The following SLC41A1 variants were observed in gnomAD, a reference collection of about 807,000 sequenced individuals.
SLC41A1 encodes the protein solute carrier family 41 (magnesium transporter), member 1.
Under a neutral mutation model 47.3 loss-of-function variants are expected in SLC41A1, and 20 were observed. The observed-to-expected ratio is 0.42, with a 90% CI of 0.30 to 0.61. SLC41A1 has a LOEUF of 0.61. SLC41A1 is among the 20% of genes least tolerant of loss of function. The pLI is 0.17. For missense variants in SLC41A1, 504 were observed against 674.1 expected (o/e 0.75, Z 2.79); for synonymous variants, 282 against 272.7 (o/e 1.03, Z -0.34).
Position 205,791,363 on chromosome 1 carries a change from T to C in SLC41A1, c.*170A>G. 2.4e-6 allele frequency: 2 copies of C among 824,934 alleles called. No homozygotes were observed. The highest frequency in any genetic ancestry group is 1.7e-5 in the African/African-American group (1 of 58,820). 51.1% of individuals were successfully genotyped at this position (824,934 alleles called of 1,614,324 possible). On this transcript the variant is annotated 3_prime_UTR_variant, in exon 11 of 11. Transcript: ENST00000367137. The surrounding 1 kb of genome is among the most constrained non-coding windows in gnomAD (Gnocchi z 4.0). ...ATCTGTGTTTCCCAAATTCTTGCTA[T>C]ACAAACTTGGCTCAATGTATAAAAA...
intron 2 of SLC41A1, among the ~76,000 whole-genome samples, chr1:205,805,483 T>G (rs537983388): frequency 6.6e-6 from 1 of 152,256 alleles, no homozygotes; most frequent in East Asian, 1.9e-4. Flanking sequence ...TCATCCAGGC[T>G]AGGAGTATCT....
At position 205,810,422 on chromosome 1, in the gene SLC41A1, G is replaced by C. The variant is rs759228574; in HGVS notation, c.20C>G (p.Pro7Arg). ...CCCGTTCAGTTGGTGGACGTCCTTC[G>C]GCTCTGGCTTAGAGGACATGACAGG... Reference protein sequence around the residue: MSSKPEPKDVHQLNGTG... With the variant: MSSKPERKDVHQLNGTG... Residue 7 changes from proline to arginine, a missense_variant, in exon 2 of 11, where the codon CCG becomes CGG. Physicochemically the swap from Pro to Arg is moderately radical, Grantham distance 103. Transcript: ENST00000367137. The surrounding 1 kb of genome is among the most constrained non-coding windows in gnomAD (Gnocchi z 5.5). 1.2e-6 allele frequency: 2 copies of C among 1,614,214 alleles called. No individual in the cohort carries two copies. The highest frequency in any genetic ancestry group is 1.7e-6 in the Non-Finnish European group (2 of 1,180,044).
intron 2 of SLC41A1, among the ~76,000 whole-genome samples, chr1:205,802,303 G>A (rs186618534): frequency 2.0e-5 from 3 of 152,306 alleles, no homozygotes; most frequent in East Asian, 3.9e-4. Context: ...ACCTCCTCAC[G>A]TAGACCGGCT....
At position 205,794,945 on chromosome 1, in the gene SLC41A1, G is replaced by A; in HGVS notation, c.1281C>T (p.Ile427=). 6.2e-7 allele frequency: 1 copy of A among 1,614,120 alleles called. No individual in the cohort carries two copies. Among genetic ancestry groups the A allele is most frequent in the South Asian group, 1.1e-5 (1 of 91,084 alleles). The change falls in exon 10 of 11, where the codon ATC becomes ATT. Residue 427 remains isoleucine, a synonymous_variant. Transcript: ENST00000367137. ...VPGHLVFLYT[I]SCMQGGHTTL... is the part of the protein sequence containing the mutation. ...TGGTGTGCCCGCCCTGCATACAGCT[G>A]ATGGTGTAGAGGAACACCAGGTGTC...
intron 2 of SLC41A1, among the ~76,000 whole-genome samples, chr1:205,808,921 C>A (rs1057035285): frequency 2.0e-5 from 3 of 152,216 alleles, no homozygotes; most frequent in Admixed American, 1.3e-4. Context: ...GTGAGACCTA[C>A]CAGCAGAACT....
rs774867466 is a variant in SLC41A1, at chr1:205,791,613, G to A, written c.1462C>T (p.Leu488=). Residue 488 remains leucine (L), a synonymous_variant, in exon 11 of 11, where the codon CTG becomes TTG. Coordinates refer to ENST00000367137, the MANE Select transcript of SLC41A1 (RefSeq NM_173854.6). The surrounding 1 kb of genome is among the most constrained non-coding windows in gnomAD (Gnocchi z 4.0). ...AGTGCTAGGAGCCCAGTGCCAAGCA[G>A]GTCCCCCAGAGCAGTCAAGTATGGG... The part of the protein sequence containing the change: ...SIPYLTALGD[L]LGTGLLALSF... 6.2e-7 allele frequency: 1 copy of A among 1,614,166 alleles called. No homozygotes were observed. The highest frequency in any genetic ancestry group is 2.2e-5 in the East Asian group (1 of 44,868).
intron 1 of SLC41A1, chr1:205,812,591 G>C (rs1025601859): frequency 4.5e-6 from 1 of 224,508 alleles, no homozygotes; most frequent in Non-Finnish European, 7.5e-6. Context: ...TAAGGCCCTG[G>C]GACGAAAGAA....
At chr1:205,808,766 G>A (rs965877692) in intron 2 of SLC41A1, among the ~76,000 whole-genome samples, 3 of 152,240 alleles carry the variant, frequency 2.0e-5, no homozygotes, top group African/African-American at 7.2e-5. Context: ...AGGGGAGGCA[G>A]TGCAAGGCAC....
At chr1:205,803,670 C>T (rs986683315) in intron 2 of SLC41A1, among the ~76,000 whole-genome samples, 3 of 143,340 alleles carry the variant, frequency 2.1e-5, no homozygotes, top group Admixed American at 7.3e-5. Context: ...CACGGTCTCA[C>T]TCTGTGGCCC....
chr1:205,798,282 A>G (rs947819195), intron 6 of SLC41A1, among the ~76,000 whole-genome samples: 3 of 152,168 alleles, frequency 2.0e-5, no homozygotes, highest in Non-Finnish European at 4.4e-5. Flanking sequence ...CACTGAGCCA[A>G]TTAGGGACAG....
chr1:205,791,579 T>C lies in SLC41A1; in HGVS notation c.1496A>G (p.His499Arg). The C allele has an allele frequency of 6.2e-7, 1 of 1,613,984 alleles. No individual in the cohort carries two copies. The highest frequency in any genetic ancestry group is 8.5e-7 in the Non-Finnish European group (1 of 1,180,002). The change falls in exon 11 of 11, where the codon CAT becomes CGT. Residue 499 changes from histidine (H) to arginine (R), a missense_variant. By Grantham distance (29) the His-to-Arg change is conservative. This residue lies in a region of SLC41A1 where 421 missense variants were observed against 601.6 expected (regional missense o/e 0.70). Coordinates refer to ENST00000367137, the MANE Select transcript of SLC41A1 (RefSeq NM_173854.6). This position sits in a 1 kb window ranked among gnomAD's most constrained non-coding sequence, Gnocchi z 4.0. The stretch of plus-strand genomic sequence containing the variant: ...TCGGTCCCCTATGAGCCAGAGAACA[T>C]GGAAGCTGAGTGCTAGGAGCCCAGT... ...LGTGLLALSF[H>R]VLWLIGDRDT...
At position 205,810,500 on chromosome 1, in the gene SLC41A1, C is replaced by T; in HGVS notation, c.-59G>A. 6.2e-7 allele frequency: 1 copy of T among 1,612,544 alleles called. No homozygotes were observed. The highest frequency in any genetic ancestry group is 8.5e-7 in the Non-Finnish European group (1 of 1,179,958). ...CTCTCTTCTTTTTGCTTTCTCTCTTCTTCTCTAACTTGGGAAAGAACTTAG... is the reference window on the plus strand; with the variant it reads ...CTCTCTTCTTTTTGCTTTCTCTCTTTTTCTCTAACTTGGGAAAGAACTTAG... On this transcript the variant is annotated 5_prime_UTR_variant, in exon 2 of 11. Transcript: ENST00000367137. This position sits in a 1 kb window ranked among gnomAD's most constrained non-coding sequence, Gnocchi z 5.5.
At chr1:205,795,629 C>T in intron 8 of SLC41A1, 151 bp from the exon 9 acceptor site, 1 of 973,142 alleles carries the variant, frequency 1.0e-6, no homozygotes, top group Non-Finnish European at 1.6e-6. Context: ...TTCACCAGTC[C>T]CCAAAAGAAG....
chr1:205,801,217 C>G, intron 2 of SLC41A1, 157 bp from the exon 3 acceptor site: 1 of 644,724 alleles, frequency 1.6e-6, no homozygotes, highest in Non-Finnish European at 2.8e-6. Context: ...GGAACCAAAC[C>G]AAGCCCATGA....
At chr1:205,805,073 T>A (rs1366651950) in intron 2 of SLC41A1, among the ~76,000 whole-genome samples, 2 of 151,276 alleles carry the variant, frequency 1.3e-5, no homozygotes, top group Admixed American at 6.6e-5. Flanking sequence ...AAGTACGGAG[T>A]GTTAGGAGCA....
chr1:205,795,892 A>C, intron 8 of SLC41A1: 4 of 328,798 alleles, frequency 1.2e-5, no homozygotes, highest in Non-Finnish European at 1.8e-5. Flanking sequence ...CTCCTCTCCA[A>C]TGCTCTGAGC....
At chr1:205,807,387 G>A (rs941793639) in intron 2 of SLC41A1, among the ~76,000 whole-genome samples, 3 of 152,130 alleles carry the variant, frequency 2.0e-5, no homozygotes, top group African/African-American at 7.2e-5. Flanking sequence ...GTGCCACACT[G>A]AGAGCAGCTC....
At chr1:205,801,261 C>G in intron 2 of SLC41A1, 5 of 554,232 alleles carry the variant, frequency 9.0e-6, no homozygotes, top group Non-Finnish European at 1.6e-5. Flanking sequence ...TTCCTGCCAC[C>G]CAGAACCAGG....
chr1:205,801,060 G>A lies in SLC41A1; in HGVS notation c.373C>T (p.His125Tyr). ...GTCACCTTCTGGAAGACTTCCCAGT[G>A]CTACGAGGTGAAAACAGAACCCAGG... ...AAGMVLDIVQ[H>Y]WEVFQKVTEV... Residue 125 changes from histidine (H) to tyrosine (Y), a missense_variant and splice_region_variant, in exon 3 of 11, where the codon CAC (histidine) becomes TAC (tyrosine). By Grantham distance (83) the His-to-Tyr change is moderately conservative (BLOSUM62 2). Transcript: ENST00000367137. 1 of 1,613,626 alleles carries A rather than the reference G, an allele frequency of 6.2e-7. No homozygotes were observed. Among genetic ancestry groups the A allele is most frequent in the Non-Finnish European group, 8.5e-7 (1 of 1,179,522 alleles).
Sources: allele counts gnomAD v4.1 joint callset (sites outside exome capture counted in the v4.1 genomes callset), GRCh38; gene constraint gnomAD v4.1.1; regional missense constraint gnomAD v4.1.1; non-coding constraint Gnocchi (gnomAD v3.1); transcripts MANE v1.5; gene names NCBI Gene and HGNC (gene_info 2026-07-23, HGNC 2026-07-21).